LUZP2: variants seen among roughly 807,000 people sequenced by gnomAD.
LUZP2 encodes the protein leucine zipper protein 2.
A neutral mutation model predicts 51.6 loss-of-function variants in LUZP2; 52 were observed. That is an observed-to-expected ratio of 1.01 (90% CI 0.81 to 1.27). The LOEUF is 1.27. LUZP2 is among the 50% of genes most tolerant of loss of function. The pLI, the probability that LUZP2 is intolerant of heterozygous loss-of-function variation, is 0.00. For synonymous variants in LUZP2, 154 were observed against 137.3 expected (o/e 1.12, Z -0.85); for missense variants, 436 against 395.4 (o/e 1.10, Z -0.87).
intron 9 of LUZP2, among the ~76,000 whole-genome samples, chr11:25,004,740 C>G (rs907428895): frequency 4.6e-5 from 7 of 152,088 alleles, no homozygotes; most frequent in African/African-American, 1.7e-4. Flanking sequence ...TTCTAGAACA[C>G]AGGTCAACAG....
At chr11:25,060,252 C>T (rs1858798625) in intron 10 of LUZP2, among the ~76,000 whole-genome samples, 1 of 152,158 alleles carries the variant, frequency 6.6e-6, no homozygotes, top group South Asian at 2.1e-4. Context: ...AGGGAATCCT[C>T]ATTCAAGGCA....
chr11:24,739,474 G>A (rs2133985435), intron 4 of LUZP2, among the ~76,000 whole-genome samples: 1 of 152,210 alleles, frequency 6.6e-6, no homozygotes, highest in Admixed American at 6.5e-5. Flanking sequence ...ATCAATGAGA[G>A]AGTCCAGAAC....
At chr11:24,851,612 A>C (rs1474749044) in intron 5 of LUZP2, among the ~76,000 whole-genome samples, 1 of 152,158 alleles carries the variant, frequency 6.6e-6, no homozygotes, top group Non-Finnish European at 1.5e-5. Flanking sequence ...TTTTGGTACC[A>C]GGATGATGCT....
chr11:24,828,620 A>G (rs1323712664), intron 5 of LUZP2, among the ~76,000 whole-genome samples: 4 of 151,664 alleles, frequency 2.6e-5, no homozygotes, highest in African/African-American at 9.7e-5. Flanking sequence ...ATTTTTTTTA[A>G]AATCAACTTC....
intron 1 of LUZP2, among the ~76,000 whole-genome samples, chr11:24,619,913 A>T (rs1428701127): frequency 6.6e-6 from 1 of 152,154 alleles, no homozygotes; most frequent in Non-Finnish European, 1.5e-5. Flanking sequence ...GCAGATAAGG[A>T]AGGCCAACTG....
intron 9 of LUZP2, among the ~76,000 whole-genome samples, chr11:24,994,892 A>G (rs548096577): frequency 6.6e-6 from 1 of 152,284 alleles, no homozygotes; most frequent in South Asian, 2.1e-4. Flanking sequence ...TGTATGTAAT[A>G]TTCTATATTC....
At chr11:24,630,705 T>G (rs898074180) in intron 1 of LUZP2, among the ~76,000 whole-genome samples, 12 of 148,948 alleles carry the variant, frequency 8.1e-5, no homozygotes, top group Non-Finnish European at 1.2e-4. Flanking sequence ...TGTTCCATAC[T>G]AAGTTTAAGA....
chr11:24,902,218 ACT>A (rs1853301596), intron 5 of LUZP2, among the ~76,000 whole-genome samples: 2 of 151,996 alleles, frequency 1.3e-5, no homozygotes, highest in Admixed American at 1.3e-4. Context: ...AAACTGGTAA[ACT>A]CATGTCATAG....
At chr11:25,036,832 A>C (rs899242957) in intron 9 of LUZP2, among the ~76,000 whole-genome samples, 1 of 151,944 alleles carries the variant, frequency 6.6e-6, no homozygotes. Context: ...GCTTGGTATA[A>C]TTTCATTTTT....
At chr11:25,019,644 A>G (rs1305825822) in intron 9 of LUZP2, among the ~76,000 whole-genome samples, 4 of 152,098 alleles carry the variant, frequency 2.6e-5, no homozygotes, top group African/African-American at 9.7e-5. Context: ...GTTCAACTCA[A>G]TAGCATTTAA....
intron 5 of LUZP2, among the ~76,000 whole-genome samples, chr11:24,847,623 C>T (rs1851241932): frequency 6.6e-6 from 1 of 152,092 alleles, no homozygotes; most frequent in Non-Finnish European, 1.5e-5. Context: ...ACTTACTATT[C>T]ATCTTTGTAA....
chr11:24,917,295 T>G (rs932242295), intron 7 of LUZP2, among the ~76,000 whole-genome samples: 1 of 152,066 alleles, frequency 6.6e-6, no homozygotes, highest in African/African-American at 2.4e-5. Flanking sequence ...CCTGTTCACT[T>G]TGATGGTAGT....
intron 7 of LUZP2, among the ~76,000 whole-genome samples, chr11:24,953,205 A>G (rs1855124318): frequency 6.6e-6 from 1 of 151,964 alleles, no homozygotes; most frequent in Non-Finnish European, 1.5e-5. Context: ...AATTTTTGAA[A>G]TGATTTTTGG....
chr11:25,039,363 A>G (rs1170093268), intron 9 of LUZP2, among the ~76,000 whole-genome samples: 1 of 152,160 alleles, frequency 6.6e-6, no homozygotes, highest in Non-Finnish European at 1.5e-5. Flanking sequence ...TACACTGTGT[A>G]CATGCACCTG....
intron 7 of LUZP2, among the ~76,000 whole-genome samples, chr11:24,945,045 A>G (rs1171001793): frequency 6.6e-6 from 1 of 152,178 alleles, no homozygotes; most frequent in Non-Finnish European, 1.5e-5. Flanking sequence ...GCGAAATTGT[A>G]AGTTCTTTGC....
intron 5 of LUZP2, among the ~76,000 whole-genome samples, chr11:24,886,241 C>A (rs1458570538): frequency 6.6e-6 from 1 of 152,026 alleles, no homozygotes; most frequent in African/African-American, 2.4e-5. Flanking sequence ...TTTCTCATGA[C>A]TTGCATATTA....
At chr11:24,653,205 C>T (rs1605870) in intron 1 of LUZP2, among the ~76,000 whole-genome samples, 145,912 of 152,230 alleles carry the variant, frequency 0.96, 70,215 homozygotes, top group East Asian at 1. Context: ...TGATGTTGTC[C>T]TGGTCCATGG....
rs758762049 is a variant in LUZP2 at position 25,078,589 on chromosome 11, G to GA, written c.978dup (p.Ala327SerfsTer10). ...TGCCTCCTTGCTCTGAATGTGAGGT[G>GA]AAAAAAGCCCCAGAAAAACCATTGA... On this transcript the variant is annotated frameshift_variant, in exon 12 of 12. Transcript: ENST00000336930. LOFTEE classifies it high-confidence loss of function. 1.9e-6 allele frequency: 3 copies of GA among 1,612,292 alleles called. No homozygotes were observed. The highest frequency in any genetic ancestry group is 1.7e-5 in the Admixed American group (1 of 59,510).
Position 24,891,198 on chromosome 11 carries a change from G to A in LUZP2, c.397-14793G>A, listed in dbSNP as rs536330040. On this transcript the variant is annotated intron_variant, in intron 5 of 11. Coordinates refer to ENST00000336930, the MANE Select transcript of LUZP2 (RefSeq NM_001009909.4). ...TATCTAATGTGAGCTAGAGTGTGAT[G>A]AAGCATACCCTTGTCAACTTTGGTG... 2.2e-5 allele frequency: 22 copies of A among 984,980 alleles called. No homozygotes were observed. The South Asian group carries it at 6.1e-4, about 27-fold the overall frequency. The allele number at this position is 984,980 out of a possible 1,614,324, so 61.0% of individuals were successfully genotyped here. A position where few individuals can be genotyped will look rare whatever the true frequency, so the allele number is the denominator to read the frequency against.
Sources: gnomAD v4.1 joint callset for allele counts (sites outside exome capture counted in the v4.1 genomes callset) on GRCh38, gnomAD v4.1.1 for gene constraint, MANE v1.5 for transcripts, NCBI Gene and HGNC (gene_info 2026-07-23, HGNC 2026-07-21) for gene names.